The following NRG3 variants were observed in gnomAD, a reference collection of about 807,000 sequenced individuals.
The protein encoded by NRG3 is neuregulin 3, also known as pro-neuregulin-3, membrane-bound isoform.
A neutral mutation model predicts 66.9 loss-of-function variants in NRG3; 31 were observed. The ratio of observed to expected loss-of-function variants is 0.46; its 90% CI spans 0.35 to 0.63. The LOEUF (loss-of-function observed/expected upper bound fraction) is 0.63. NRG3 is among the 20% of genes least tolerant of loss of function. The pLI, the probability that NRG3 is intolerant of heterozygous loss-of-function variation, is 0.00. For synonymous variants in NRG3, 393 were observed against 359.4 expected, an observed-to-expected ratio of 1.09 and a Z score of -1.06; for missense variants, 910 against 878.9, an observed-to-expected ratio of 1.04 and a Z score of -0.45.
At chr10:82,424,978 T>G (rs1174248818) in intron 2 of NRG3, among the ~76,000 whole-genome samples, 1 of 152,100 alleles carries the variant, frequency 6.6e-6, no homozygotes, top group Non-Finnish European at 1.5e-5. Flanking sequence ...GACTCTCAAA[T>G]CTATTCCATT....
In NRG3 at chr10:82,966,914, A is replaced by G. The variant is rs117312460; in HGVS notation, c.1285-6874A>G. On this transcript the variant is annotated intron_variant, in intron 6 of 8. Transcript: ENST00000372141. ...TAACATTATGTATCAATTCACTGTAAGTTTTCAGGGTTTTTTTTTGTTGTT... is the reference window on the plus strand; with the variant it reads ...TAACATTATGTATCAATTCACTGTAGGTTTTCAGGGTTTTTTTTTGTTGTT... Among the ~76,000 whole-genome samples the G allele has an allele frequency of 1.8e-3, 267 of 151,596 alleles. 8 individuals are homozygous for G. The East Asian group carries it at 0.045, about 25-fold the overall frequency.
chr10:81,997,853 C>T (rs562362858), intron 1 of NRG3, among the ~76,000 whole-genome samples: 1 of 145,422 alleles, frequency 6.9e-6, no homozygotes, highest in South Asian at 2.2e-4. Flanking sequence ...CCCCACCCCC[C>T]ACCAAAGGCC....
intron 2 of NRG3, among the ~76,000 whole-genome samples, chr10:82,620,004 G>T (rs1392917215): frequency 2.0e-5 from 3 of 152,182 alleles, no homozygotes; most frequent in African/African-American, 7.2e-5. Flanking sequence ...TGACACGGAT[G>T]CCCCATTTAC....
intron 2 of NRG3, among the ~76,000 whole-genome samples, chr10:82,395,448 G>A (rs1240535852): frequency 6.6e-6 from 1 of 152,180 alleles, no homozygotes. Context: ...CCCTCCCTTA[G>A]TAGACTGTCC....
chr10:82,614,040 CA>C (rs2048480944), intron 2 of NRG3, among the ~76,000 whole-genome samples: 2 of 152,138 alleles, frequency 1.3e-5, no homozygotes, highest in Non-Finnish European at 2.9e-5. Flanking sequence ...GCTGGGCCTA[CA>C]GGTGCCCAAC....
At chr10:82,176,878 A>AACACACAC (rs2073069984) in intron 1 of NRG3, among the ~76,000 whole-genome samples, 1 of 44,046 alleles carries the variant, frequency 2.3e-5, no homozygotes, top group Non-Finnish European at 4.0e-5. Context: ...TTTTTAAAAC[A>AACACACAC]AGACACACAC....
At chr10:82,040,398 A>G (rs2062978981) in intron 1 of NRG3, among the ~76,000 whole-genome samples, 1 of 94,590 alleles carries the variant, frequency 1.1e-5, no homozygotes, top group Non-Finnish European at 2.6e-5. Flanking sequence ...TATATGTTAT[A>G]TATACAATAT....
At chr10:82,438,906 T>C (rs910256242) in intron 2 of NRG3, among the ~76,000 whole-genome samples, 1 of 152,072 alleles carries the variant, frequency 6.6e-6, no homozygotes, top group African/African-American at 2.4e-5. Context: ...TTGTTGCTGG[T>C]GATGGATTCA....
intron 1 of NRG3, among the ~76,000 whole-genome samples, chr10:82,350,380 A>G (rs556094586): frequency 6.6e-6 from 1 of 152,332 alleles, no homozygotes; most frequent in Admixed American, 6.5e-5. Context: ...ATGGTGATAC[A>G]GAGACTGACT....
chr10:81,986,808 C>T (rs1408466412), intron 1 of NRG3, among the ~76,000 whole-genome samples: 2 of 152,162 alleles, frequency 1.3e-5, no homozygotes, highest in Admixed American at 1.3e-4. Context: ...CCTCAGCCTT[C>T]TGACTACAGG....
At chr10:82,684,762 G>A (rs1396911888) in intron 2 of NRG3, among the ~76,000 whole-genome samples, 1 of 152,028 alleles carries the variant, frequency 6.6e-6, no homozygotes, top group Non-Finnish European at 1.5e-5. Context: ...AAGGAGAGAG[G>A]ATCAAAGCTG....
chr10:82,629,764 G>A (rs2049687595), intron 2 of NRG3, among the ~76,000 whole-genome samples: 1 of 152,156 alleles, frequency 6.6e-6, no homozygotes. Context: ...TTATACTTCA[G>A]GACTTTAAAA....
intron 2 of NRG3, among the ~76,000 whole-genome samples, chr10:82,698,198 G>T (rs1289278974): frequency 6.6e-6 from 1 of 151,818 alleles, no homozygotes; most frequent in Non-Finnish European, 1.5e-5. Flanking sequence ...CTTTTCTTTG[G>T]AAATGTTCTT....
chr10:82,124,278 T>C (rs2068284132), intron 1 of NRG3, among the ~76,000 whole-genome samples: 1 of 152,012 alleles, frequency 6.6e-6, no homozygotes, highest in Non-Finnish European at 1.5e-5. Flanking sequence ...TTGAACTCTT[T>C]GGGACTCTTC....
intron 3 of NRG3, among the ~76,000 whole-genome samples, chr10:82,847,961 C>T (rs141138513): frequency 2.6e-4 from 40 of 151,978 alleles, no homozygotes; most frequent in Admixed American, 6.6e-4. Context: ...GATTTTATTG[C>T]GAGATATCAG....
intron 2 of NRG3, among the ~76,000 whole-genome samples, chr10:82,420,639 A>C (rs1224465809): frequency 6.6e-6 from 1 of 152,156 alleles, no homozygotes; most frequent in Non-Finnish European, 1.5e-5. Flanking sequence ...TTAAACATAC[A>C]ATTTCCATGT....
intron 1 of NRG3, among the ~76,000 whole-genome samples, chr10:82,266,284 C>G (rs1180435265): frequency 5.3e-5 from 8 of 151,914 alleles, no homozygotes; most frequent in African/African-American, 1.5e-4. Flanking sequence ...TATTATAATC[C>G]CATTGGAGTA....
chr10:82,964,073 T>C (rs1850947344), intron 6 of NRG3, among the ~76,000 whole-genome samples: 1 of 152,208 alleles, frequency 6.6e-6, no homozygotes, highest in South Asian at 2.1e-4. Flanking sequence ...AAATTATAAC[T>C]TATTGATTGA....
chr10:82,898,305 C>T (rs573520287), intron 4 of NRG3, among the ~76,000 whole-genome samples: 5 of 152,298 alleles, frequency 3.3e-5, no homozygotes, highest in African/African-American at 1.2e-4. Context: ...GGGATCAATT[C>T]CTAAATCCTT....
Sources: allele counts gnomAD v4.1 joint callset (sites outside exome capture counted in the v4.1 genomes callset), GRCh38; gene constraint gnomAD v4.1.1; transcripts MANE v1.5; gene names NCBI Gene and HGNC (gene_info 2026-07-23, HGNC 2026-07-21).